Variants in IKZF2 observed in about 807,000 individuals in gnomAD.
The protein encoded by IKZF2 is zinc finger protein Helios.
IKZF2 carries 15 observed loss-of-function variants against 49.2 expected under a neutral mutation model. The ratio of observed to expected loss-of-function variants is 0.30; its 90% CI spans 0.20 to 0.47. The LOEUF (loss-of-function observed/expected upper bound fraction) is 0.47, where lower values mean the gene tolerates loss of function less well. Among genes scored for constraint, IKZF2 ranks in the 20% least tolerant of loss-of-function variants. IKZF2 has a pLI of 1.00. For synonymous variants in IKZF2, 227 were observed against 221.4 expected, an observed-to-expected ratio of 1.03 and a Z score of -0.23; for missense variants, 567 against 664.6, an observed-to-expected ratio of 0.85 and a Z score of 1.61.
intron 4 of IKZF2, among the ~76,000 whole-genome samples, chr2:213,086,963 C>T (rs1052608428): frequency 1.3e-5 from 2 of 152,082 alleles, no homozygotes; most frequent in Non-Finnish European, 2.9e-5. Context: ...CTGGCCTTTG[C>T]TCCATAAAGA....
Position 213,045,080 on chromosome 2 carries a change from G to A in IKZF2, c.574+4633C>T, listed in dbSNP as rs552036704. Among the ~76,000 whole-genome samples the A allele has an allele frequency of 2.6e-5, 4 of 152,274 alleles. No homozygotes were observed. The South Asian group carries it at 8.3e-4, about 32-fold the overall frequency. Reference sequence around the variant, plus strand: ...ACATGAGGCTAGTGGCTACCATATTGGACAGCGTAGCCCTACAACTATCAC... The same window carrying A: ...ACATGAGGCTAGTGGCTACCATATTAGACAGCGTAGCCCTACAACTATCAC... On this transcript the variant is annotated intron_variant, in intron 6 of 8. Coordinates refer to ENST00000434687, the MANE Select transcript of IKZF2 (RefSeq NM_001387220.1).
chr2:213,111,503 C>T (rs904931059), intron 4 of IKZF2, among the ~76,000 whole-genome samples: 4 of 152,016 alleles, frequency 2.6e-5, no homozygotes, highest in African/African-American at 9.7e-5. Flanking sequence ...GGATACAAAA[C>T]ATACCATCTG....
intron 4 of IKZF2, among the ~76,000 whole-genome samples, chr2:213,111,629 C>T (rs1234975456): frequency 6.6e-6 from 1 of 152,042 alleles, no homozygotes; most frequent in Admixed American, 6.6e-5. Flanking sequence ...AGAGAACAAA[C>T]AAAATCTACC....
chr2:213,134,180 G>A (rs2060573931), intron 4 of IKZF2, among the ~76,000 whole-genome samples: 1 of 152,200 alleles, frequency 6.6e-6, no homozygotes, highest in Non-Finnish European at 1.5e-5. Context: ...GAGGAAAATG[G>A]AAAAACCAGC....
At chr2:213,115,477 T>G (rs779602020) in intron 4 of IKZF2, among the ~76,000 whole-genome samples, 1 of 152,200 alleles carries the variant, frequency 6.6e-6, no homozygotes, top group Non-Finnish European at 1.5e-5. Flanking sequence ...CTCAAAATGA[T>G]AGCAAACTAA....
At position 213,049,812 on chromosome 2, in the gene IKZF2, T is replaced by A; in HGVS notation, c.475A>T (p.Ile159Leu). Residue 159 changes from isoleucine (I) to leucine (L), a missense_variant, in exon 6 of 9, where the codon ATA becomes TTA. Ile to Leu is a conservative substitution (Grantham distance 5). Transcript: ENST00000434687. Reference sequence around the variant, plus strand: ...GGCTTCTCTCCAGAGTGTAACTTTATGTGTCTCAGAAGGTTGCCCTTCTGA... The same window carrying A: ...GGCTTCTCTCCAGAGTGTAACTTTAAGTGTCTCAGAAGGTTGCCCTTCTGA... ...FTQKGNLLRH[I>L]KLHSGEKPFK... The A allele has an allele frequency of 6.2e-7, 1 of 1,610,396 alleles. No homozygotes were observed. Among genetic ancestry groups the A allele is most frequent in the Non-Finnish European group, 8.5e-7 (1 of 1,177,818 alleles).
intron 4 of IKZF2, among the ~76,000 whole-genome samples, chr2:213,137,750 A>G (rs970147629): frequency 2.6e-5 from 4 of 152,140 alleles, no homozygotes; most frequent in African/African-American, 9.6e-5. Flanking sequence ...CAAAACAAGG[A>G]TATTTATGAA....
chr2:213,031,800 A>C (rs1168991297), intron 6 of IKZF2, among the ~76,000 whole-genome samples: 7 of 152,200 alleles, frequency 4.6e-5, no homozygotes, highest in African/African-American at 1.7e-4. Context: ...AATCTCTCTA[A>C]ATTTTTACAC....
chr2:213,144,511 G>A (rs2060977850), intron 4 of IKZF2, among the ~76,000 whole-genome samples: 1 of 151,776 alleles, frequency 6.6e-6, no homozygotes, highest in Non-Finnish European at 1.5e-5. Context: ...AGAAACAGAA[G>A]GAATCACAAA....
At chr2:213,145,346 G>A (rs1305949928) in intron 4 of IKZF2, among the ~76,000 whole-genome samples, 1 of 151,678 alleles carries the variant, frequency 6.6e-6, no homozygotes, top group Admixed American at 6.6e-5. Flanking sequence ...TTCTGTTTTT[G>A]GAAGCAGGCA....
intron 5 of IKZF2, among the ~76,000 whole-genome samples, chr2:213,051,262 A>G (rs925393495): frequency 6.6e-6 from 1 of 152,014 alleles, no homozygotes; most frequent in Non-Finnish European, 1.5e-5. Flanking sequence ...TAAAACCTAG[A>G]TAAATTTAAA....
chr2:213,017,405 T>TA (rs1696730627), intron 7 of IKZF2, among the ~76,000 whole-genome samples: 2 of 152,302 alleles, frequency 1.3e-5, no homozygotes, highest in African/African-American at 4.8e-5. Context: ...GTAAAAGAAG[T>TA]AAAATCTCCA....
Position 213,147,734 on chromosome 2 carries a change from T to G in IKZF2, c.113A>C (p.His38Pro). 1 of 1,613,952 alleles carries G rather than the reference T, an allele frequency of 6.2e-7. No individual in the cohort carries two copies. Among genetic ancestry groups the G allele is most frequent in the Non-Finnish European group, 8.5e-7 (1 of 1,179,822 alleles). ...GCTTGTCATGTGACTTGGTGAGGCA[T>G]GCTGTCCATTGGGTGTGCTTGAGGT... ...DLTSSTPNGQ[H>P]ASPSHMTSTN... The change falls in exon 4 of 9, where the codon CAT (histidine) becomes CCT (proline). Residue 38 changes from histidine to proline, a missense_variant. His to Pro is a moderately conservative substitution (Grantham distance 77). This residue lies in a region of IKZF2 where 156 missense variants were observed against 138.5 expected (regional missense o/e 1.13). Transcript: ENST00000434687.
intron 6 of IKZF2, among the ~76,000 whole-genome samples, chr2:213,037,725 C>A (rs573063546): frequency 9.1e-4 from 139 of 152,272 alleles, no homozygotes; most frequent in Non-Finnish European, 1.6e-3. Flanking sequence ...CACAGTTATG[C>A]AAATCATGTG....
At chr2:213,026,807 C>T (rs1397035677) in intron 6 of IKZF2, among the ~76,000 whole-genome samples, 1 of 151,924 alleles carries the variant, frequency 6.6e-6, no homozygotes, top group Non-Finnish European at 1.5e-5. Flanking sequence ...TTGAACATTT[C>T]CCCATTATTA....
At chr2:213,147,573 T>G in intron 4 of IKZF2, 135 bp downstream of exon 4, 1 of 766,528 alleles carries the variant, frequency 1.3e-6, no homozygotes, top group Non-Finnish European at 2.4e-6. Context: ...AATAAATCTG[T>G]GTTGTTCTTT....
intron 4 of IKZF2, among the ~76,000 whole-genome samples, chr2:213,124,280 A>G (rs1335427698): frequency 1.2e-4 from 18 of 144,826 alleles, no homozygotes; most frequent in South Asian, 2.1e-4. Context: ...ACACACACAC[A>G]CACACACACA....
At chr2:213,063,110 A>G (rs1313175886) in intron 4 of IKZF2, among the ~76,000 whole-genome samples, 1 of 152,022 alleles carries the variant, frequency 6.6e-6, no homozygotes, top group Non-Finnish European at 1.5e-5. Context: ...ATCCTTAAAG[A>G]ATTTGTTTTA....
chr2:213,058,839 A>G (rs774806025), intron 4 of IKZF2, among the ~76,000 whole-genome samples: 2 of 151,930 alleles, frequency 1.3e-5, no homozygotes. Context: ...AAAAACATAA[A>G]GAATAAAAAT....
Sources: gnomAD v4.1 joint callset for allele counts (sites outside exome capture counted in the v4.1 genomes callset) on GRCh38, gnomAD v4.1.1 for gene constraint, gnomAD v4.1.1 regional missense constraint, MANE v1.5 for transcripts, NCBI Gene and HGNC (gene_info 2026-07-23, HGNC 2026-07-21) for gene names.